Variants in MINDY2 observed in about 807,000 individuals in gnomAD.
MINDY2 encodes ubiquitin carboxyl-terminal hydrolase MINDY-2.
A neutral mutation model predicts 68.2 loss-of-function variants in MINDY2; 52 were observed. The observed-to-expected ratio is 0.76, with a 90% CI of 0.61 to 0.96. The LOEUF is 0.96. Among genes scored for constraint, MINDY2 ranks in the 40% least tolerant of loss-of-function variants. The pLI is 0.00. For synonymous variants in MINDY2, 372 were observed against 303.0 expected (o/e 1.23, Z -2.36); for missense variants, 881 against 773.4 (o/e 1.14, Z -1.65).
intron 7 of MINDY2, among the ~76,000 whole-genome samples, chr15:58,848,694 C>T (rs895101538): frequency 1.3e-5 from 2 of 151,990 alleles, no homozygotes; most frequent in Admixed American, 6.6e-5. Flanking sequence ...TGCAGCGAGC[C>T]GAGATCGTGC....
chr15:58,844,059 TAGAA>T (rs1250098726), intron 6 of MINDY2, among the ~76,000 whole-genome samples: 3 of 152,066 alleles, frequency 2.0e-5, no homozygotes, highest in African/African-American at 4.8e-5. Flanking sequence ...CTGATGAAAT[TAGAA>T]GGAAGATTTG....
rs1188514448 is a variant in MINDY2 at position 58,801,380 on chromosome 15, T to TAAAA, written c.899-907_899-904dup. ...TGCAACATGGCAAGACCCCATCTCT[T>TAAAA]AAAAAAAAAAAAAAAAAAAAAAAAA... is the stretch of plus-strand genomic sequence containing the variant. On this transcript the variant is annotated intron_variant, in intron 2 of 8. Coordinates refer to ENST00000559228, the MANE Select transcript of MINDY2 (RefSeq NM_001040450.3). Among the ~76,000 whole-genome samples, 26 of 22,622 alleles carry TAAAA rather than the reference T, an allele frequency of 1.1e-3. 1 individual carries two copies. Among genetic ancestry groups the TAAAA allele is most frequent in the East Asian group, 1.7e-3 (1 of 598 alleles). 14.8% of individuals were successfully genotyped at this position (22,622 alleles called of 152,430 possible). A position where few individuals can be genotyped will look rare whatever the true frequency, so the allele number is the denominator to read the frequency against.
Position 58,840,659 on chromosome 15 carries a change from T to C in MINDY2, c.1369-6638T>C, listed in dbSNP as rs923663070. Reference sequence around the variant, plus strand: ...ATTATTATTATTATTATTATTATTATTATTATTATTATTTTGAGATGGAGT... The same window carrying C: ...ATTATTATTATTATTATTATTATTACTATTATTATTATTTTGAGATGGAGT... On this transcript the variant is annotated intron_variant, in intron 6 of 8. Transcript: ENST00000559228. 1.6e-3 allele frequency among the ~76,000 whole-genome samples: 234 copies of C among 147,188 alleles called. 1 individual carries two copies. Among genetic ancestry groups the C allele is most frequent in the African/African-American group, 5.4e-3 (220 of 40,554 alleles).
In MINDY2 at chr15:58,772,961, G is replaced by C. The variant is rs549725395; in HGVS notation, c.840+726G>C. Among the ~76,000 whole-genome samples, 10 of 152,154 alleles carry C rather than the reference G, an allele frequency of 6.6e-5. No homozygotes were observed. In the South Asian group the frequency reaches 2.1e-3, roughly 32 times the overall value. On this transcript the variant is annotated intron_variant, in intron 1 of 8. Transcript: ENST00000559228. The stretch of plus-strand genomic sequence containing the variant: ...GAAAAGGTATGTCTAAGGTGAAGGA[G>C]CAAAAAAGGGAAAGACCCTTAAAAA...
At chr15:58,788,482 T>A (rs983200361) in intron 2 of MINDY2, among the ~76,000 whole-genome samples, 2 of 152,172 alleles carry the variant, frequency 1.3e-5, no homozygotes, top group Non-Finnish European at 2.9e-5. Flanking sequence ...ATAGGGAAAT[T>A]TTCTTGTTGA....
intron 2 of MINDY2, among the ~76,000 whole-genome samples, chr15:58,792,534 A>C (rs1189699809): frequency 6.6e-6 from 1 of 152,102 alleles, no homozygotes; most frequent in Non-Finnish European, 1.5e-5. Context: ...TGAACCCGGG[A>C]GGCGGACGTT....
At chr15:58,780,192 G>T (rs1901042380) in intron 1 of MINDY2, among the ~76,000 whole-genome samples, 1 of 152,172 alleles carries the variant, frequency 6.6e-6, no homozygotes, top group Non-Finnish European at 1.5e-5. Flanking sequence ...ATCACTTGAT[G>T]TCAGGAGTTT....
intron 3 of MINDY2, among the ~76,000 whole-genome samples, chr15:58,803,425 G>A (rs1301393263): frequency 2.7e-5 from 4 of 150,646 alleles, no homozygotes; most frequent in East Asian, 3.9e-4. Context: ...CTGGAATCGC[G>A]CCACTATGAT....
At chr15:58,773,573 T>A (rs1343221778) in intron 1 of MINDY2, among the ~76,000 whole-genome samples, 1 of 152,158 alleles carries the variant, frequency 6.6e-6, no homozygotes, top group African/African-American at 2.4e-5. Context: ...AGACAAGTGG[T>A]AGGTAAACTG....
chr15:58,836,003 G>A (rs1287938642), intron 6 of MINDY2, among the ~76,000 whole-genome samples: 1 of 151,968 alleles, frequency 6.6e-6, no homozygotes, highest in Non-Finnish European at 1.5e-5. Context: ...TCCGCCTCCC[G>A]GGTTCATGCC....
At chr15:58,842,201 T>G (rs2032319172) in intron 6 of MINDY2, among the ~76,000 whole-genome samples, 1 of 152,152 alleles carries the variant, frequency 6.6e-6, no homozygotes, top group African/African-American at 2.4e-5. Flanking sequence ...TGGTTTTAAA[T>G]TACTGACATC....
chr15:58,859,898 C>T lies in MINDY2; in HGVS notation c.*5288C>T, dbSNP rs1224158564. The T allele has an allele frequency of 2.6e-5, 4 of 152,198 alleles. No individual in the cohort carries two copies. In the South Asian group the frequency reaches 6.2e-4, roughly 24 times the overall value. 9.4% of individuals were successfully genotyped at this position (152,198 alleles called of 1,614,324 possible). ...CGGGGTAAAATTCTTCAACTATTGC[C>T]TCAAGTTCAGTTTTGTCCTATTGTC... is the stretch of plus-strand genomic sequence containing the variant. On this transcript the variant is annotated 3_prime_UTR_variant, in exon 9 of 9. Coordinates refer to ENST00000559228, the MANE Select transcript of MINDY2 (RefSeq NM_001040450.3).
intron 2 of MINDY2, among the ~76,000 whole-genome samples, chr15:58,795,245 A>G (rs1355449571): frequency 6.6e-6 from 1 of 152,076 alleles, no homozygotes; most frequent in Middle Eastern, 3.2e-3. Context: ...AGAGGGGTCC[A>G]AGATTCTCCC....
chr15:58,828,580 T>C (rs1375446856), intron 5 of MINDY2, among the ~76,000 whole-genome samples: 34 of 145,866 alleles, frequency 2.3e-4, no homozygotes, highest in African/African-American at 8.1e-4. Flanking sequence ...AATTTCTTTT[T>C]TTTTTTTTTT....
At chr15:58,809,490 T>C (rs1341806674) in intron 3 of MINDY2, among the ~76,000 whole-genome samples, 1 of 152,178 alleles carries the variant, frequency 6.6e-6, no homozygotes, top group Non-Finnish European at 1.5e-5. Flanking sequence ...TAACTAAGAA[T>C]AGATAAAGAA....
At chr15:58,823,651 C>G (rs2031211686) in intron 5 of MINDY2, among the ~76,000 whole-genome samples, 1 of 149,608 alleles carries the variant, frequency 6.7e-6, no homozygotes, top group South Asian at 2.1e-4. Flanking sequence ...GGCAACAGAA[C>G]AGAATCTGTC....
Position 58,847,483 on chromosome 15 carries a change from TGTC to T in MINDY2, c.1542+17_1542+19del. 1 of 1,527,204 alleles carries T rather than the reference TGTC, an allele frequency of 6.5e-7. No homozygotes were observed. Among genetic ancestry groups the T allele is most frequent in the Non-Finnish European group, 8.9e-7 (1 of 1,121,474 alleles). The allele number at this position is 1,527,204 out of a possible 1,614,324, so 94.6% of individuals were successfully genotyped here. A position where few individuals can be genotyped will look rare whatever the true frequency, so the allele number is the denominator to read the frequency against. The stretch of plus-strand genomic sequence containing the variant: ...TCAGATAGATCAGGTAAATTTGTAT[TGTC>T]GTCTTTATAGTGGTTAAAATGCTGA... On this transcript the variant is annotated intron_variant, in intron 7 of 8. Coordinates refer to ENST00000559228, the MANE Select transcript of MINDY2 (RefSeq NM_001040450.3).
intron 2 of MINDY2, among the ~76,000 whole-genome samples, chr15:58,800,349 T>G (rs1426673719): frequency 6.6e-6 from 1 of 152,196 alleles, no homozygotes; most frequent in Non-Finnish European, 1.5e-5. Flanking sequence ...TACATATCAG[T>G]GTACTTTTCC....
chr15:58,831,759 G>A lies in MINDY2; in HGVS notation c.1226-15G>A. ...AAATTATTCTTCTATCTAATGTTAT[G>A]CATTGGTTCTATAGGCTTTGTAGCT... On this transcript the variant is annotated splice_polypyrimidine_tract_variant and intron_variant, in intron 5 of 8. Coordinates refer to ENST00000559228, the MANE Select transcript of MINDY2 (RefSeq NM_001040450.3). The A allele has an allele frequency of 6.3e-7, 1 of 1,599,336 alleles. No homozygotes were observed. Among genetic ancestry groups the A allele is most frequent in the East Asian group, 2.2e-5 (1 of 44,470 alleles).
Sources: allele counts gnomAD v4.1 joint callset (sites outside exome capture counted in the v4.1 genomes callset), GRCh38; gene constraint gnomAD v4.1.1; transcripts MANE v1.5; gene names NCBI Gene and HGNC (gene_info 2026-07-23, HGNC 2026-07-21).